Variants in GALNTL5 observed in about 807,000 individuals in gnomAD.
GALNTL5 encodes polypeptide N-acetylgalactosaminyltransferase like 5, also known as inactive polypeptide N-acetylgalactosaminyltransferase-like protein 5.
A neutral mutation model predicts 51.0 loss-of-function variants in GALNTL5; 44 were observed. The ratio of observed to expected loss-of-function variants is 0.86; its 90% CI spans 0.68 to 1.11. The LOEUF is 1.11. Ranked by LOEUF, GALNTL5 falls within the 50% of genes least tolerant of loss-of-function variation. The pLI, the probability that GALNTL5 is intolerant of heterozygous loss-of-function variation, is 0.00. For missense variants in GALNTL5, 528 were observed against 531.8 expected, an observed-to-expected ratio of 0.99 and a Z score of 0.07; for synonymous variants, 192 against 182.8, an observed-to-expected ratio of 1.05 and a Z score of -0.41.
At chr7:151,988,890 G>T (rs2081393979) in intron 5 of GALNTL5, among the ~76,000 whole-genome samples, 1 of 151,872 alleles carries the variant, frequency 6.6e-6, no homozygotes. Flanking sequence ...AGTAGAGACG[G>T]GGTTTTGCCA....
At chr7:151,979,745 CTG>C (rs2081255876) in intron 3 of GALNTL5, among the ~76,000 whole-genome samples, 1 of 152,022 alleles carries the variant, frequency 6.6e-6, no homozygotes, top group African/African-American at 2.4e-5. Flanking sequence ...GCATGAGCCA[CTG>C]CACCTGGCCA....
chr7:151,996,114 AT>A (rs2081496171), intron 5 of GALNTL5, among the ~76,000 whole-genome samples: 2 of 152,208 alleles, frequency 1.3e-5, no homozygotes, highest in African/African-American at 4.8e-5. Flanking sequence ...AGAAATGCTT[AT>A]GTATTTTACA....
Position 151,983,139 on chromosome 7 carries a change from C to G in GALNTL5, c.522C>G (p.Asp174Glu), listed in dbSNP as rs2081315487. The change falls in exon 4 of 9, where the codon GAC (aspartate) becomes GAG (glutamate). Residue 174 changes from aspartate (D) to glutamate (E), a missense_variant. By Grantham distance (45) the Asp-to-Glu change is conservative (BLOSUM62 2). Transcript: ENST00000392800. ...YFLEEIILVD[D>E]MSKVDDLKEK... is the part of the protein sequence containing the mutation. ...TTGAAGAAATTATTTTGGTAGATGA[C>G]ATGAGCAAAGTTGGTAAGATAGAAC... 6.2e-6 allele frequency: 10 copies of G among 1,613,520 alleles called. No individual in the cohort carries two copies. Among genetic ancestry groups the G allele is most frequent in the African/African-American group, 1.3e-5 (1 of 74,920 alleles).
intron 7 of GALNTL5, 132 bp downstream of exon 7, chr7:152,008,076 C>T (rs1422367801): frequency 8.2e-6 from 5 of 607,906 alleles, no homozygotes; most frequent in Non-Finnish European, 5.8e-6. Flanking sequence ...ATGCAATAAA[C>T]AATTTATGGG....
rs191208365 is a variant in GALNTL5, at chr7:151,969,596, A to G, written c.248-1349A>G. ...ATAGACTGAGTACTATGAGGTCACC[A>G]TCTTCCCGGATGTCGCCTATTGATT... is the stretch of plus-strand genomic sequence containing the variant. On this transcript the variant is annotated intron_variant, in intron 2 of 8. Transcript: ENST00000392800. 9.2e-5 allele frequency among the ~76,000 whole-genome samples: 14 copies of G among 152,036 alleles called. No homozygotes were observed. The East Asian group carries it at 2.8e-3, about 30-fold the overall frequency.
chr7:151,986,575 C>T (rs2081361819), intron 4 of GALNTL5, among the ~76,000 whole-genome samples: 1 of 152,096 alleles, frequency 6.6e-6, no homozygotes, highest in Non-Finnish European at 1.5e-5. Context: ...GTCAAGGCTG[C>T]AGTGAGCTAT....
intron 1 of GALNTL5, among the ~76,000 whole-genome samples, chr7:151,957,502 T>C (rs1021247492): frequency 1.1e-4 from 16 of 150,638 alleles, no homozygotes; most frequent in Admixed American, 4.0e-4. Flanking sequence ...TGAGCTGTAA[T>C]TGGGCCACTG....
intron 5 of GALNTL5, among the ~76,000 whole-genome samples, chr7:151,988,163 A>G (rs1283722870): frequency 6.6e-6 from 1 of 152,188 alleles, no homozygotes; most frequent in East Asian, 1.9e-4. Flanking sequence ...GTCATTGGAT[A>G]TGAACACTGC....
At chr7:152,019,571 A>G (rs1484054507) in intron 8 of GALNTL5, 75 bp from the exon 9 acceptor site, 7 of 1,387,832 alleles carry the variant, frequency 5.0e-6, no homozygotes, top group Non-Finnish European at 7.0e-6. Context: ...ACATGCGTCT[A>G]TGTTAGATAT....
rs370337705 is a variant in GALNTL5, at chr7:151,982,978, G to A, written c.369-8G>A. On this transcript the variant is annotated splice_polypyrimidine_tract_variant and splice_region_variant and intron_variant, in intron 3 of 8. Coordinates refer to ENST00000392800, the MANE Select transcript of GALNTL5 (RefSeq NM_145292.4). ...GGATGGTTTTCTTCATATTGCTTCT[G>A]CCTGCAGGTGTCTTCAAAAACATTA... The A allele has an allele frequency of 5.9e-5, 96 of 1,614,064 alleles. No homozygotes were observed. In the East Asian group the frequency reaches 1.9e-3, roughly 32 times the overall value.
chr7:152,014,975 A>G (rs2081788290), intron 8 of GALNTL5, among the ~76,000 whole-genome samples, 182 bp downstream of exon 8: 1 of 152,198 alleles, frequency 6.6e-6, no homozygotes, highest in African/African-American at 2.4e-5. Flanking sequence ...AGAGCTAAAC[A>G]TTATACATGG....
At chr7:151,997,178 C>A (rs1349382611) in intron 5 of GALNTL5, among the ~76,000 whole-genome samples, 1 of 152,176 alleles carries the variant, frequency 6.6e-6, no homozygotes, top group Non-Finnish European at 1.5e-5. Flanking sequence ...CACAAATACT[C>A]TTTGGAAGCA....
In GALNTL5 at chr7:151,967,206, A is replaced by G. The variant is rs371421844; in HGVS notation, c.-39-2A>G. 5 of 1,579,344 alleles carry G rather than the reference A, an allele frequency of 3.2e-6. No homozygotes were observed. In the Admixed American group the frequency reaches 5.3e-5, roughly 17 times the overall value. On this transcript the variant is annotated splice_acceptor_variant, in intron 1 of 8. Coordinates refer to ENST00000392800, the MANE Select transcript of GALNTL5 (RefSeq NM_145292.4). LOFTEE classifies it low-confidence loss of function (5UTR_SPLICE). ...TGCTCCTCTTAAATCATTCTGATTT[A>G]GGAAATTGAAAAATGGACCTTTGAA...
At chr7:152,012,203 C>G (rs1268958643) in intron 7 of GALNTL5, among the ~76,000 whole-genome samples, 1 of 152,166 alleles carries the variant, frequency 6.6e-6, no homozygotes, top group African/African-American at 2.4e-5. Flanking sequence ...TTCAGTGGGT[C>G]AGGGAAACAC....
chr7:151,999,576 G>T (rs573028730), intron 5 of GALNTL5, among the ~76,000 whole-genome samples: 2 of 152,236 alleles, frequency 1.3e-5, no homozygotes, highest in Non-Finnish European at 2.9e-5. Flanking sequence ...TCTTCACGTT[G>T]GTTTTGATTT....
intron 8 of GALNTL5, among the ~76,000 whole-genome samples, chr7:152,017,079 T>C (rs765784617): frequency 1.1e-4 from 17 of 151,570 alleles, no homozygotes; most frequent in Non-Finnish European, 2.2e-4. Flanking sequence ...AAACCAACTA[T>C]AGTGTATAGT....
In GALNTL5 at chr7:151,997,571, A is replaced by G. The variant is rs182221280; in HGVS notation, c.659-5143A>G. ...TGGCCTGTTCCCACGTTTTTAACTT[A>G]AATCAAAATTCAGTAATACCCCATA... On this transcript the variant is annotated intron_variant, in intron 5 of 8. Transcript: ENST00000392800. Among the ~76,000 whole-genome samples, 498 of 152,352 alleles carry G rather than the reference A, an allele frequency of 3.3e-3. 6 individuals carry two copies. The highest frequency in any genetic ancestry group is 0.012 in the African/African-American group (491 of 41,582).
At chr7:151,968,531 C>A (rs2081088086) in intron 2 of GALNTL5, among the ~76,000 whole-genome samples, 1 of 152,168 alleles carries the variant, frequency 6.6e-6, no homozygotes, top group African/African-American at 2.4e-5. Flanking sequence ...CTTGGCAGGT[C>A]TCCTGCTCAT....
intron 3 of GALNTL5, among the ~76,000 whole-genome samples, chr7:151,973,211 C>G (rs1223622239): frequency 6.6e-6 from 1 of 151,760 alleles, no homozygotes; most frequent in East Asian, 1.9e-4. Flanking sequence ...AATCCCAGCA[C>G]TTTGGGAGGC....
Sources: gnomAD v4.1 joint callset for allele counts (sites outside exome capture counted in the v4.1 genomes callset) on GRCh38, gnomAD v4.1.1 for gene constraint, MANE v1.5 for transcripts, NCBI Gene and HGNC (gene_info 2026-07-23, HGNC 2026-07-21) for gene names.